The following TPD52L1 variants were observed in gnomAD, a reference collection of about 807,000 sequenced individuals.
TPD52L1 encodes the protein tumor protein D53.
TPD52L1 carries 18 observed loss-of-function variants against 28.7 expected under a neutral mutation model. The observed-to-expected ratio is 0.63, with a 90% CI of 0.43 to 0.93. The LOEUF (loss-of-function observed/expected upper bound fraction) is 0.93, where lower values mean the gene tolerates loss of function less well. TPD52L1 is among the 40% of genes least tolerant of loss of function. The pLI is 0.00. For synonymous variants in TPD52L1, 75 were observed against 88.8 expected, an observed-to-expected ratio of 0.84 and a Z score of 0.88; for missense variants, 203 against 254.8, an observed-to-expected ratio of 0.80 and a Z score of 1.39.
chr6:125,241,389 G>A (rs1309481939), intron 3 of TPD52L1, among the ~76,000 whole-genome samples: 4 of 152,046 alleles, frequency 2.6e-5, no homozygotes. Context: ...AGTTCTGGTA[G>A]GATTGGTACC....
chr6:125,220,194 G>A lies in TPD52L1; in HGVS notation c.135+1G>A. 3 of 1,581,140 alleles carry A rather than the reference G, an allele frequency of 1.9e-6. No homozygotes were observed. Among genetic ancestry groups the A allele is most frequent in the Non-Finnish European group, 2.6e-6 (3 of 1,150,130 alleles). ...AGAGTTAAAAGCAGAGTTAGTTCAG[G>A]TATGTTTAGTAATCTTATTGTTGCT... On this transcript the variant is annotated splice_donor_variant, in intron 2 of 6. Transcript: ENST00000534000. LOFTEE classifies it high-confidence loss of function.
intron 6 of TPD52L1, among the ~76,000 whole-genome samples, chr6:125,259,274 A>AT (rs1797777791): frequency 6.6e-6 from 1 of 152,186 alleles, no homozygotes; most frequent in South Asian, 2.1e-4. Context: ...AGTCATATTT[A>AT]TGTCCTGTGA....
chr6:125,209,207 G>A (rs963619131), intron 1 of TPD52L1, among the ~76,000 whole-genome samples: 3 of 152,184 alleles, frequency 2.0e-5, no homozygotes, highest in Non-Finnish European at 2.9e-5. Flanking sequence ...AGGTTCCAGC[G>A]TGGCCTATGC....
chr6:125,172,137 TTTCTTTCTTTCTTTC>T (rs1562210905), intron 1 of TPD52L1, among the ~76,000 whole-genome samples: 2 of 77,814 alleles, frequency 2.6e-5, no homozygotes, highest in Non-Finnish European at 4.7e-5. Context: ...TCTTTCTTTC[TTTCTTTCTTTCTTTC>T]TTTCTTTTCT....
At chr6:125,185,090 A>G (rs1792508551) in intron 1 of TPD52L1, among the ~76,000 whole-genome samples, 1 of 152,318 alleles carries the variant, frequency 6.6e-6, no homozygotes, top group South Asian at 2.1e-4. Context: ...GAAAGCATAA[A>G]ATAGTAGAAA....
At chr6:125,248,720 G>A (rs1179590223) in intron 4 of TPD52L1, among the ~76,000 whole-genome samples, 1 of 151,914 alleles carries the variant, frequency 6.6e-6, no homozygotes, top group Admixed American at 6.6e-5. Context: ...ATTAAAACAT[G>A]CATTTAGTGG....
rs1223028934 is a variant in TPD52L1, at chr6:125,263,180, T to G, written c.*218T>G. The G allele has an allele frequency of 1.8e-6, 1 of 561,168 alleles. No individual in the cohort carries two copies. The highest frequency in any genetic ancestry group is 1.9e-5 in the African/African-American group (1 of 53,054). The allele number at this position is 561,168 out of a possible 1,614,324, so 34.8% of individuals were successfully genotyped here. On this transcript the variant is annotated 3_prime_UTR_variant, in exon 7 of 7. Transcript: ENST00000534000. ...ACATTTCAGTATTCATAGATGACTG[T>G]CACATTTTAAAATGTTCCCACTTGA...
chr6:125,254,630 A>G (rs571832213), intron 5 of TPD52L1, among the ~76,000 whole-genome samples: 1 of 152,250 alleles, frequency 6.6e-6, no homozygotes, highest in South Asian at 2.1e-4. Flanking sequence ...TTGTTGTTTG[A>G]AGGCATTATA....
chr6:125,251,876 C>T, intron 4 of TPD52L1: 1 of 698,280 alleles, frequency 1.4e-6, no homozygotes, highest in South Asian at 1.9e-5. Context: ...ATTAAAAAGT[C>T]AGTGTAATCA....
chr6:125,189,768 A>G (rs1051907858), intron 1 of TPD52L1, among the ~76,000 whole-genome samples: 2 of 152,106 alleles, frequency 1.3e-5, no homozygotes, highest in Non-Finnish European at 2.9e-5. Flanking sequence ...GTAGTTCCAA[A>G]TCTGATACTG....
At chr6:125,158,997 G>C (rs1406993440) in intron 1 of TPD52L1, among the ~76,000 whole-genome samples, 1 of 152,228 alleles carries the variant, frequency 6.6e-6, no homozygotes, top group Non-Finnish European at 1.5e-5. Flanking sequence ...TCACTGAGTG[G>C]TAAGTGTTTT....
At chr6:125,227,531 TA>T (rs1198538907) in intron 2 of TPD52L1, among the ~76,000 whole-genome samples, 5 of 152,138 alleles carry the variant, frequency 3.3e-5, no homozygotes, top group Non-Finnish European at 7.4e-5. Flanking sequence ...TGCTCCTTTT[TA>T]AAAAAAATTT....
At chr6:125,209,031 C>A in intron 1 of TPD52L1, 1 of 811,798 alleles carries the variant, frequency 1.2e-6, no homozygotes, top group Non-Finnish European at 1.5e-6. Context: ...GTGCCTCTGA[C>A]ACAGCTTTAT....
At chr6:125,195,806 ATTGT>A (rs1246731060) in intron 1 of TPD52L1, among the ~76,000 whole-genome samples, 1 of 152,120 alleles carries the variant, frequency 6.6e-6, no homozygotes, top group Non-Finnish European at 1.5e-5. Flanking sequence ...TTCTCAGACC[ATTGT>A]TGGTTTTGCA....
At chr6:125,245,453 T>C (rs964778938) in intron 3 of TPD52L1, among the ~76,000 whole-genome samples, 1 of 152,112 alleles carries the variant, frequency 6.6e-6, no homozygotes, top group Non-Finnish European at 1.5e-5. Context: ...AGGCAATAGG[T>C]GGGTCCATAA....
chr6:125,215,629 G>T (rs545635439), intron 1 of TPD52L1, among the ~76,000 whole-genome samples: 3 of 152,260 alleles, frequency 2.0e-5, no homozygotes, highest in African/African-American at 7.2e-5. Context: ...GGGATGTTTG[G>T]CCCATCAGAG....
chr6:125,204,405 T>C (rs1479754823), intron 1 of TPD52L1, among the ~76,000 whole-genome samples: 1 of 152,184 alleles, frequency 6.6e-6, no homozygotes, highest in Non-Finnish European at 1.5e-5. Flanking sequence ...GGTCATTGCA[T>C]TGGTTGCAAG....
At chr6:125,211,393 CAT>C (rs1389716632) in intron 1 of TPD52L1, among the ~76,000 whole-genome samples, 1 of 151,660 alleles carries the variant, frequency 6.6e-6, no homozygotes, top group Non-Finnish European at 1.5e-5. Context: ...AATTGCAAGA[CAT>C]AATTGATTAT....
At chr6:125,210,248 A>G (rs75139764) in intron 1 of TPD52L1, among the ~76,000 whole-genome samples, 123 of 152,336 alleles carry the variant, frequency 8.1e-4, no homozygotes, top group Non-Finnish European at 1.5e-3. Context: ...ATGAATGAAC[A>G]AATGAACTCA....
Sources: gnomAD v4.1 joint callset for allele counts (sites outside exome capture counted in the v4.1 genomes callset) on GRCh38, gnomAD v4.1.1 for gene constraint, MANE v1.5 for transcripts, NCBI Gene and HGNC (gene_info 2026-07-23, HGNC 2026-07-21) for gene names.